The following ZNF407 variants were observed in gnomAD, a reference collection of about 807,000 sequenced individuals.
The protein encoded by ZNF407 is zinc finger protein 407.
ZNF407 carries 17 observed loss-of-function variants against 131.2 expected under a neutral mutation model. That is an observed-to-expected ratio of 0.13 (90% CI 0.09 to 0.19). The LOEUF is 0.19. ZNF407 is among the 10% of genes least tolerant of loss of function. The pLI is 1.00. For synonymous variants in ZNF407, 1,156 were observed against 1,062.0 expected, an observed-to-expected ratio of 1.09 and a Z score of -1.72; for missense variants, 2,681 against 2,830.6, an observed-to-expected ratio of 0.95 and a Z score of 1.20.
chr18:74,680,270 A>G (rs1966951239), intron 3 of ZNF407, among the ~76,000 whole-genome samples: 1 of 151,954 alleles, frequency 6.6e-6, no homozygotes, highest in South Asian at 2.1e-4. Context: ...TTAGCCAGGT[A>G]TTGTGGCACA....
chr18:74,928,303 T>C (rs903684912), intron 8 of ZNF407, among the ~76,000 whole-genome samples: 1 of 152,208 alleles, frequency 6.6e-6, no homozygotes, highest in Non-Finnish European at 1.5e-5. Flanking sequence ...GCCTGAAGAC[T>C]TGAAGCCAGC....
chr18:74,898,165 G>A (rs1043668111), intron 7 of ZNF407: 2 of 152,152 alleles, frequency 1.3e-5, no homozygotes, highest in African/African-American at 2.4e-5. Context: ...ATGTATCAGC[G>A]TGTCTGACTC....
At chr18:74,625,062 GACT>G (rs1983727130) in intron 1 of ZNF407, among the ~76,000 whole-genome samples, 1 of 152,160 alleles carries the variant, frequency 6.6e-6, no homozygotes, top group East Asian at 1.9e-4. Context: ...ACATTTGTAT[GACT>G]ACAGTTCCTT....
In ZNF407 at chr18:74,635,033, AACTATAATT is replaced by A. The variant is rs752975624; in HGVS notation, c.4016_4024del (p.Thr1339_Ile1341del). 2 of 1,613,998 alleles carry A rather than the reference AACTATAATT, an allele frequency of 1.2e-6. No individual in the cohort carries two copies. The highest frequency in any genetic ancestry group is 1.7e-6 in the Non-Finnish European group (2 of 1,179,892). ...CAGTTGAAAGTAGTGATGTCTATGA[AACTATAATT>A]AGTATTGATGATAAAGGGCAGGCCA... On this transcript the variant is annotated inframe_deletion, in exon 2 of 9. Transcript: ENST00000299687. This position sits in a 1 kb window ranked among gnomAD's most constrained non-coding sequence, Gnocchi z 4.7.
chr18:74,783,478 A>G (rs1449571678), intron 4 of ZNF407, among the ~76,000 whole-genome samples: 2 of 152,060 alleles, frequency 1.3e-5, no homozygotes, highest in Non-Finnish European at 2.9e-5. Context: ...GTATGTATAT[A>G]TGTTCATGTA....
chr18:75,050,599 C>T (rs763512211), intron 8 of ZNF407, among the ~76,000 whole-genome samples: 2 of 152,190 alleles, frequency 1.3e-5, no homozygotes, highest in Admixed American at 6.5e-5. Flanking sequence ...AGGCAATGAA[C>T]GCAGAATTCA....
intron 8 of ZNF407, among the ~76,000 whole-genome samples, chr18:74,958,888 C>T (rs986592842): frequency 2.0e-4 from 31 of 152,250 alleles, no homozygotes; most frequent in African/African-American, 7.5e-4. Context: ...CACCCATGCG[C>T]ACACAAAAAC....
chr18:74,635,669 C>G lies in ZNF407; in HGVS notation c.4650C>G (p.Asn1550Lys). Reference protein sequence around the residue: ...KYCGKMCRSSNSMAFLAHIRT... With the variant: ...KYCGKMCRSSKSMAFLAHIRT... ...GTGGGAAGATGTGTCGAAGCAGCAA[C>G]TCGATGGCCTTCCTGGCACACATTC... The change falls in exon 2 of 9, where the codon AAC becomes AAG. Residue 1550 changes from asparagine to lysine, a missense_variant. By Grantham distance (94) the Asn-to-Lys change is moderately conservative (BLOSUM62 0). Around this residue, in one of 6 missense-constraint regions of ZNF407, gnomAD observed 213 missense variants for 332.2 expected, o/e 0.64. Transcript: ENST00000299687. This position sits in a 1 kb window ranked among gnomAD's most constrained non-coding sequence, Gnocchi z 4.7. The G allele has an allele frequency of 6.2e-7, 1 of 1,604,616 alleles. No homozygotes were observed. Among genetic ancestry groups the G allele is most frequent in the Non-Finnish European group, 8.5e-7 (1 of 1,174,642 alleles).
At chr18:74,796,990 A>C (rs1205193105) in intron 4 of ZNF407, among the ~76,000 whole-genome samples, 1 of 152,222 alleles carries the variant, frequency 6.6e-6, no homozygotes, top group African/African-American at 2.4e-5. Flanking sequence ...TAACTGCACC[A>C]GTTTGAAATC....
intron 4 of ZNF407, among the ~76,000 whole-genome samples, chr18:74,866,282 G>T (rs767687196): frequency 3.9e-5 from 6 of 152,134 alleles, no homozygotes; most frequent in Non-Finnish European, 7.4e-5. Flanking sequence ...CGGCTCTTTG[G>T]ACTAAGGTCT....
intron 3 of ZNF407, among the ~76,000 whole-genome samples, chr18:74,644,468 C>A (rs1984875197): frequency 6.6e-6 from 1 of 151,716 alleles, no homozygotes; most frequent in African/African-American, 2.4e-5. Flanking sequence ...ACCTTTATTT[C>A]TTTCAGTAGT....
chr18:75,045,851 C>T (rs997273704), intron 8 of ZNF407, among the ~76,000 whole-genome samples: 1 of 152,112 alleles, frequency 6.6e-6, no homozygotes, highest in Non-Finnish European at 1.5e-5. Context: ...TGACTATACT[C>T]TTAAGCAGAA....
chr18:74,948,686 A>G (rs1434946710), intron 8 of ZNF407, among the ~76,000 whole-genome samples: 1 of 152,252 alleles, frequency 6.6e-6, no homozygotes, highest in Non-Finnish European at 1.5e-5. Context: ...GGAAAGATCA[A>G]GTTTACCTTT....
intron 3 of ZNF407, among the ~76,000 whole-genome samples, chr18:74,748,959 G>C (rs1442781285): frequency 2.0e-5 from 3 of 152,170 alleles, no homozygotes; most frequent in Non-Finnish European, 4.4e-5. Context: ...CTTCATGGGT[G>C]CTGACCATAA....
At chr18:74,710,034 A>G (rs1170363768) in intron 3 of ZNF407, among the ~76,000 whole-genome samples, 2 of 152,208 alleles carry the variant, frequency 1.3e-5, no homozygotes, top group South Asian at 2.1e-4. Flanking sequence ...GACTTCTGAT[A>G]ATTATTTTAT....
At chr18:75,046,660 C>A (rs1973439215) in intron 8 of ZNF407, among the ~76,000 whole-genome samples, 1 of 152,122 alleles carries the variant, frequency 6.6e-6, no homozygotes, top group South Asian at 2.1e-4. Flanking sequence ...ACAGCATCCT[C>A]CTTTACTTCA....
intron 8 of ZNF407, among the ~76,000 whole-genome samples, chr18:74,929,147 A>T (rs966402527): frequency 2.0e-5 from 3 of 152,134 alleles, no homozygotes; most frequent in Admixed American, 6.6e-5. Flanking sequence ...AAAAGTTTTA[A>T]AGTGATTTTT....
At chr18:74,605,067 A>G (rs941939512) in intron 1 of ZNF407, among the ~76,000 whole-genome samples, 29 of 152,236 alleles carry the variant, frequency 1.9e-4, no homozygotes, top group African/African-American at 6.8e-4. Flanking sequence ...TATCAGGGAA[A>G]GGGTTTTGTT....
At chr18:74,857,897 C>T (rs1241806016) in intron 4 of ZNF407, among the ~76,000 whole-genome samples, 2 of 135,586 alleles carry the variant, frequency 1.5e-5, no homozygotes, top group African/African-American at 2.8e-5. Flanking sequence ...TCCTCCCCTC[C>T]CCTCCCCTTT....
Sources: gnomAD v4.1 joint callset for allele counts (sites outside exome capture counted in the v4.1 genomes callset) on GRCh38, gnomAD v4.1.1 for gene constraint, gnomAD v4.1.1 regional missense constraint, Gnocchi (gnomAD v3.1) non-coding constraint, MANE v1.5 for transcripts, NCBI Gene and HGNC (gene_info 2026-07-23, HGNC 2026-07-21) for gene names.